SHROOM3: variants seen among roughly 807,000 people sequenced by gnomAD.
SHROOM3 encodes shroom family member 3.
Under a neutral mutation model 138.6 loss-of-function variants are expected in SHROOM3, and 47 were observed. The ratio of observed to expected loss-of-function variants is 0.34; its 90% CI spans 0.27 to 0.43. The LOEUF (loss-of-function observed/expected upper bound fraction) is 0.43. SHROOM3 is among the 20% of genes least tolerant of loss of function. The pLI is 1.00. For missense variants in SHROOM3, 2,491 were observed against 2,596.5 expected (o/e 0.96, Z 0.88); for synonymous variants, 1,062 against 1,063.3 (o/e 1.00, Z 0.02).
chr4:76,707,914 A>G (rs1720105568), intron 2 of SHROOM3, among the ~76,000 whole-genome samples: 1 of 151,876 alleles, frequency 6.6e-6, no homozygotes, highest in African/African-American at 2.4e-5. Context: ...CCTGATTTCT[A>G]GTTTGTGTGG....
rs148621125 is a variant in SHROOM3, at chr4:76,756,633, C to T, written c.4894C>T (p.Pro1632Ser). 36 of 1,613,760 alleles carry T rather than the reference C, an allele frequency of 2.2e-5. No homozygotes were observed. The African/African-American group carries it at 4.7e-4, about 21-fold the overall frequency. ...AQLAGSLGGQ[P>S]APIQTQSLSH... ...ACTTGCTGGGTCTCTTGGTGGGCAGCCAGCACCCATCCAGACTCAAAGCCT... is the reference window on the plus strand; with the variant it reads ...ACTTGCTGGGTCTCTTGGTGGGCAGTCAGCACCCATCCAGACTCAAAGCCT... The change falls in exon 8 of 11, where the codon CCA (proline) becomes TCA (serine). Residue 1632 changes from proline (P) to serine (S), a missense_variant. By Grantham distance (74) the Pro-to-Ser change is moderately conservative. This residue lies in a region of SHROOM3 where 470 missense variants were observed against 595.0 expected (regional missense o/e 0.79). Coordinates refer to ENST00000296043, the MANE Select transcript of SHROOM3 (RefSeq NM_020859.4).
intron 1 of SHROOM3, among the ~76,000 whole-genome samples, chr4:76,533,942 A>G (rs1427657115): frequency 6.6e-6 from 1 of 152,220 alleles, no homozygotes; most frequent in Non-Finnish European, 1.5e-5. Context: ...ACTGCTTTGC[A>G]AATATTTAGC....
At chr4:76,657,286 G>C (rs377178490) in intron 2 of SHROOM3, among the ~76,000 whole-genome samples, 5 of 152,054 alleles carry the variant, frequency 3.3e-5, no homozygotes, top group African/African-American at 1.2e-4. Context: ...ATGTAAGGCC[G>C]TTGATAGATG....
chr4:76,518,177 A>G (rs1341773933), intron 1 of SHROOM3, among the ~76,000 whole-genome samples: 2 of 152,096 alleles, frequency 1.3e-5, no homozygotes, highest in African/African-American at 4.8e-5. Flanking sequence ...AATCATATAA[A>G]ATATCAAATT....
At chr4:76,577,412 C>G (rs1165490222) in intron 2 of SHROOM3, among the ~76,000 whole-genome samples, 5 of 152,152 alleles carry the variant, frequency 3.3e-5, no homozygotes, top group Non-Finnish European at 7.3e-5. Context: ...CCCTTCATTG[C>G]CCTGTTCTTC....
intron 2 of SHROOM3, among the ~76,000 whole-genome samples, chr4:76,623,217 C>T (rs984632016): frequency 3.9e-5 from 6 of 152,084 alleles, no homozygotes; most frequent in Non-Finnish European, 5.9e-5. Flanking sequence ...TTCCCTATAA[C>T]AGGTATCTCC....
chr4:76,472,094 T>C (rs1203488533), intron 1 of SHROOM3, among the ~76,000 whole-genome samples: 1 of 152,168 alleles, frequency 6.6e-6, no homozygotes, highest in African/African-American at 2.4e-5. Context: ...TTCAGGCATA[T>C]GGTGAGCATG....
chr4:76,491,229 A>G (rs1731843179), intron 1 of SHROOM3, among the ~76,000 whole-genome samples: 1 of 152,242 alleles, frequency 6.6e-6, no homozygotes, highest in African/African-American at 2.4e-5. Context: ...GAGGGAGTCA[A>G]AGATGAATCC....
intron 2 of SHROOM3, among the ~76,000 whole-genome samples, chr4:76,654,054 G>A (rs1051280568): frequency 6.6e-6 from 1 of 152,144 alleles, no homozygotes; most frequent in African/African-American, 2.4e-5. Context: ...TAACAGGCTT[G>A]GGTAGAGAGT....
At chr4:76,550,399 C>T (rs1408600206) in intron 1 of SHROOM3, among the ~76,000 whole-genome samples, 1 of 152,094 alleles carries the variant, frequency 6.6e-6, no homozygotes, top group Middle Eastern at 3.2e-3. Flanking sequence ...AAGGTAGTGA[C>T]TGAGGCTTGT....
At chr4:76,737,928 G>GCC (rs56781457) in intron 4 of SHROOM3, among the ~76,000 whole-genome samples, 1 of 151,900 alleles carries the variant, frequency 6.6e-6, no homozygotes, top group Non-Finnish European at 1.5e-5. Context: ...AGTTTACAGT[G>GCC]ATTGATAGTC....
intron 1 of SHROOM3, among the ~76,000 whole-genome samples, chr4:76,537,845 AGGTGATTATGGTGAT>A (rs1733013293): frequency 6.6e-6 from 1 of 152,316 alleles, no homozygotes; most frequent in East Asian, 1.9e-4. Flanking sequence ...AATATTCTAA[AGGTGATTATGGTGAT>A]GGTTCTACAA....
At chr4:76,637,792 G>A (rs1268573775) in intron 2 of SHROOM3, 1 of 152,202 alleles carries the variant, frequency 6.6e-6, no homozygotes, top group African/African-American at 2.4e-5. Context: ...CACTAGGCCT[G>A]GGGATTATGA....
intron 1 of SHROOM3, among the ~76,000 whole-genome samples, chr4:76,453,760 T>C (rs1730973774): frequency 6.6e-6 from 1 of 152,214 alleles, no homozygotes; most frequent in African/African-American, 2.4e-5. Context: ...TGTAGTTTTT[T>C]ATGTATCCTT....
intron 1 of SHROOM3, among the ~76,000 whole-genome samples, chr4:76,547,660 C>T (rs918868071): frequency 8.6e-5 from 13 of 152,014 alleles, no homozygotes; most frequent in East Asian, 1.9e-4. Context: ...CCAGGCGCGG[C>T]GGCTCATGCC....
chr4:76,682,083 C>T (rs966261908), intron 2 of SHROOM3, among the ~76,000 whole-genome samples: 2 of 152,138 alleles, frequency 1.3e-5, no homozygotes, highest in Admixed American at 6.5e-5. Context: ...GTAATGTCTG[C>T]TGGGAAGAAA....
intron 2 of SHROOM3, among the ~76,000 whole-genome samples, chr4:76,573,913 T>C (rs1463743238): frequency 6.6e-6 from 1 of 152,174 alleles, no homozygotes; most frequent in African/African-American, 2.4e-5. Context: ...CTGAGATTCT[T>C]CCTTCTGTCT....
chr4:76,529,704 C>A (rs1027039756), intron 1 of SHROOM3, among the ~76,000 whole-genome samples: 1 of 149,668 alleles, frequency 6.7e-6, no homozygotes, highest in Non-Finnish European at 1.5e-5. Flanking sequence ...TTCTATTACC[C>A]CTACGTACAG....
chr4:76,715,501 C>T (rs1037384071), intron 3 of SHROOM3, among the ~76,000 whole-genome samples: 1 of 152,148 alleles, frequency 6.6e-6, no homozygotes, highest in Non-Finnish European at 1.5e-5. Flanking sequence ...GGTAATGAGT[C>T]GGTAAAGGAG....
Sources: gnomAD v4.1 joint callset for allele counts (sites outside exome capture counted in the v4.1 genomes callset) on GRCh38, gnomAD v4.1.1 for gene constraint, gnomAD v4.1.1 regional missense constraint, MANE v1.5 for transcripts, NCBI Gene and HGNC (gene_info 2026-07-23, HGNC 2026-07-21) for gene names.